The following ZNF83 variants were observed in gnomAD, a reference collection of about 807,000 sequenced individuals.
ZNF83 encodes the protein zinc finger protein 816B.
For synonymous variants in ZNF83, 209 were observed against 213.0 expected, an observed-to-expected ratio of 0.98 and a Z score of 0.17; for missense variants, 552 against 629.9, an observed-to-expected ratio of 0.88 and a Z score of 1.32.
intron 3 of ZNF83, among the ~76,000 whole-genome samples, chr19:52,649,796 G>T (rs899798522): frequency 6.6e-6 from 1 of 152,132 alleles, no homozygotes; most frequent in African/African-American, 2.4e-5. Flanking sequence ...TGCAAAAAAA[G>T]TTACAGAAAC....
intron 1 of ZNF83, among the ~76,000 whole-genome samples, chr19:52,670,923 A>G (rs760307126): frequency 5.9e-5 from 9 of 152,246 alleles, no homozygotes; most frequent in Non-Finnish European, 2.9e-5. Flanking sequence ...TTGGAGACCA[A>G]GGTTCTTTTG....
intron 1 of ZNF83, among the ~76,000 whole-genome samples, chr19:52,689,682 C>T (rs945482436): frequency 1.3e-4 from 20 of 152,108 alleles, no homozygotes; most frequent in Non-Finnish European, 2.6e-4. Flanking sequence ...CCTCACCCAT[C>T]CTCTACTTTG....
intron 2 of ZNF83, among the ~76,000 whole-genome samples, chr19:52,622,143 C>A (rs1000310200): frequency 2.2e-4 from 34 of 152,086 alleles, no homozygotes; most frequent in African/African-American, 8.0e-4. Flanking sequence ...CTCCCCTCCC[C>A]ACACCCAGTT....
intron 3 of ZNF83, among the ~76,000 whole-genome samples, chr19:52,647,884 TTA>T (rs2061393313): frequency 6.6e-6 from 1 of 151,508 alleles, no homozygotes; most frequent in Non-Finnish European, 1.5e-5. Context: ...CCCTGTTAAA[TTA>T]TCTCTTCCCT....
upstream of ZNF83, among the ~76,000 whole-genome samples, chr19:52,638,937 G>A (rs1008687407): frequency 6.6e-5 from 10 of 152,294 alleles, no homozygotes; most frequent in East Asian, 1.9e-4. Context: ...CAGCCTGGGC[G>A]ACAAAGTAAC....
chr19:52,659,613 C>CAAAAAAAAAAAAAAA (rs67918270), intron 2 of ZNF83, among the ~76,000 whole-genome samples: 1 of 114,278 alleles, frequency 8.8e-6, no homozygotes, highest in African/African-American at 3.2e-5. Context: ...GACTCCAACT[C>CAAAAAAAAAAAAAAA]AAAAAAAAAA....
At chr19:52,614,920 C>G in intron 2 of ZNF83, 123 bp from the exon 3 acceptor site, 1 of 968,138 alleles carries the variant, frequency 1.0e-6, no homozygotes, top group Non-Finnish European at 1.3e-6. Context: ...ATAAAACTCC[C>G]ATTCATGATT....
intron 1 of ZNF83, among the ~76,000 whole-genome samples, chr19:52,662,392 C>G (rs73586196): frequency 0.024 from 3,712 of 152,142 alleles, 143 homozygotes; most frequent in African/African-American, 0.08. Context: ...GCCAACTGAA[C>G]ACAGGATTGC....
chr19:52,612,558 A>C, exon 3 of ZNF83: 1 of 162,694 alleles, frequency 6.1e-6, no homozygotes, highest in Non-Finnish European at 1.3e-5. Context: ...TCATCAAAAA[A>C]GTTTTTGATG....
chr19:52,654,294 A>G, intron 3 of ZNF83: 1 of 1,527,468 alleles, frequency 6.5e-7, no homozygotes. Flanking sequence ...GGAAGCAAAA[A>G]TCTCCAATGT....
intron 1 of ZNF83, among the ~76,000 whole-genome samples, chr19:52,683,365 G>A (rs950008552): frequency 3.3e-5 from 5 of 152,114 alleles, no homozygotes; most frequent in African/African-American, 7.2e-5. Context: ...CCCTCGGGCT[G>A]CAGTTCACTG....
exon 3 of ZNF83, chr19:52,614,403 G>A: frequency 6.2e-7 from 1 of 1,613,230 alleles, no homozygotes; most frequent in Non-Finnish European, 8.5e-7. Flanking sequence ...GTTGGGGTGG[G>A]GAAACTAAGG....
At chr19:52,689,966 G>A (rs1314938738) in intron 1 of ZNF83, among the ~76,000 whole-genome samples, 1 of 152,198 alleles carries the variant, frequency 6.6e-6, no homozygotes, top group African/African-American at 2.4e-5. Context: ...CCCGGCACGA[G>A]GAGGGAGGTG....
chr19:52,687,631 ATGT>A (rs2062064966), intron 1 of ZNF83, among the ~76,000 whole-genome samples: 2 of 10,726 alleles, frequency 1.9e-4, no homozygotes, highest in African/African-American at 7.8e-4. Flanking sequence ...TATATATATA[ATGT>A]ATATATATAT....
chr19:52,672,753 T>C (rs2061743220), intron 1 of ZNF83, among the ~76,000 whole-genome samples: 1 of 152,140 alleles, frequency 6.6e-6, no homozygotes, highest in Non-Finnish European at 1.5e-5. Context: ...GTGCTCGCCA[T>C]CATGCTGGGT....
At chr19:52,680,235 C>T (rs1169100410) in intron 1 of ZNF83, among the ~76,000 whole-genome samples, 3 of 152,064 alleles carry the variant, frequency 2.0e-5, no homozygotes, top group African/African-American at 7.2e-5. Context: ...GAACACATAA[C>T]CAGGCAGAGC....
At chr19:52,677,905 C>T (rs1036597297) in intron 1 of ZNF83, among the ~76,000 whole-genome samples, 4 of 151,626 alleles carry the variant, frequency 2.6e-5, no homozygotes, top group Non-Finnish European at 5.9e-5. Context: ...CATGGTGGCA[C>T]GTGCCCATCA....
intron 2 of ZNF83, among the ~76,000 whole-genome samples, chr19:52,629,731 G>A (rs1436127051): frequency 6.6e-6 from 1 of 152,064 alleles, no homozygotes; most frequent in Non-Finnish European, 1.5e-5. Context: ...GACTCGTTTG[G>A]CAGCAACCCT....
At chr19:52,655,831 T>C (rs7255970) in intron 2 of ZNF83, 234,519 of 479,822 alleles carry the variant, frequency 0.49, 60,236 homozygotes, top group East Asian at 0.74. Context: ...ACATTTCTTT[T>C]TGTGCAGTTG....
Sources: gnomAD v4.1 joint callset for allele counts (sites outside exome capture counted in the v4.1 genomes callset) on GRCh38, gnomAD v4.1.1 for gene constraint, MANE v1.5 for transcripts, NCBI Gene and HGNC (gene_info 2026-07-23, HGNC 2026-07-21) for gene names.